STOX2: variants seen among roughly 807,000 people sequenced by gnomAD.
STOX2 encodes storkhead-box protein 2.
Under a neutral mutation model 60.9 loss-of-function variants are expected in STOX2, and 28 were observed. That is an observed-to-expected ratio of 0.46 (90% CI 0.34 to 0.63). STOX2 has a LOEUF of 0.63. STOX2 is among the 30% of genes least tolerant of loss of function. The probability of loss-of-function intolerance (pLI) is 0.01; values close to 1 mark genes in which losing one functional copy is unlikely to be tolerated. For synonymous variants in STOX2, 472 were observed against 463.9 expected, an observed-to-expected ratio of 1.02 and a Z score of -0.22; for missense variants, 1,024 against 1,187.7, an observed-to-expected ratio of 0.86 and a Z score of 2.03.
At chr4:183,859,395 T>G (rs1740378123) in intron 1 of STOX2, among the ~76,000 whole-genome samples, 1 of 152,126 alleles carries the variant, frequency 6.6e-6, no homozygotes, top group African/African-American at 2.4e-5. Flanking sequence ...TCGGGTGACA[T>G]TGGAGCTGGT....
intron 1 of STOX2, among the ~76,000 whole-genome samples, chr4:183,899,031 C>T (rs895380272): frequency 1.3e-5 from 2 of 152,196 alleles, no homozygotes; most frequent in African/African-American, 2.4e-5. Context: ...TGGCAGTTCT[C>T]TCAATATTTC....
chr4:183,808,248 T>C (rs1738953389), intron 1 of STOX2, among the ~76,000 whole-genome samples: 1 of 152,218 alleles, frequency 6.6e-6, no homozygotes, highest in Non-Finnish European at 1.5e-5. Context: ...TCTCCTGTAG[T>C]CTTGTTACAG....
At chr4:183,968,587 A>G (rs1483308123) in intron 1 of STOX2, among the ~76,000 whole-genome samples, 1 of 152,242 alleles carries the variant, frequency 6.6e-6, no homozygotes, top group Non-Finnish European at 1.5e-5. Flanking sequence ...TGACCAGCCC[A>G]GGACAGCTTG....
chr4:183,831,946 T>G (rs2111121257), intron 1 of STOX2, among the ~76,000 whole-genome samples: 1 of 152,072 alleles, frequency 6.6e-6, no homozygotes, highest in South Asian at 2.1e-4. Flanking sequence ...CCCTGAAGCT[T>G]CTTCTGGTGA....
At chr4:183,803,251 C>T (rs13132459) in intron 1 of STOX2, among the ~76,000 whole-genome samples, 139,180 of 152,158 alleles carry the variant, frequency 0.91, 64,968 homozygotes, top group East Asian at 1. Flanking sequence ...AGCTATAAGA[C>T]GAGATTTGGG....
chr4:183,857,957 G>A lies in STOX2; in HGVS notation c.364+59902G>A, dbSNP rs149258155. 8.9e-4 allele frequency among the ~76,000 whole-genome samples: 135 copies of A among 152,248 alleles called. 1 individual carries two copies. The highest frequency in any genetic ancestry group is 8.3e-3 in the East Asian group (43 of 5,186). ...CATTCACTTCTCAAACATTTATCGA[G>A]TGCCTTTTATACCCCAGGAACTGAT... On this transcript the variant is annotated intron_variant, in intron 1 of 2. Transcript: ENST00000513034.
chr4:183,813,014 C>T (rs28578063), intron 1 of STOX2, among the ~76,000 whole-genome samples: 41,797 of 152,054 alleles, frequency 0.27, 6,741 homozygotes, highest in African/African-American at 0.45. Context: ...TAAAGTCAGC[C>T]CTCCGTGTCT....
rs61681165 is a variant in STOX2 at position 183,995,291 on chromosome 4, C to CTTTT, written c.167-6005_167-6002dup. 6.8e-3 allele frequency among the ~76,000 whole-genome samples: 542 copies of CTTTT among 79,414 alleles called. 18 individuals are homozygous for CTTTT. The highest frequency in any genetic ancestry group is 8.4e-3 in the Non-Finnish European group (381 of 45,296). 52.1% of individuals were successfully genotyped at this position (79,414 alleles called of 152,430 possible). A position where few individuals can be genotyped will look rare whatever the true frequency, so the allele number is the denominator to read the frequency against. ...ATAAAGGACAGGGCTTTATTTTAGT[C>CTTTT]TTTTTTTTTTTTTTTTTTTTTTTTT... On this transcript the variant is annotated intron_variant, in intron 1 of 3. Transcript: ENST00000308497.
chr4:184,003,773 A>C (rs1463759285), intron 2 of STOX2, among the ~76,000 whole-genome samples: 1 of 152,262 alleles, frequency 6.6e-6, no homozygotes, highest in Non-Finnish European at 1.5e-5. Flanking sequence ...CTTTACAGAG[A>C]AAGTCTGCTG....
At position 183,841,873 on chromosome 4, in the gene STOX2, C is replaced by T. The variant is rs538469151; in HGVS notation, c.364+43818C>T. Among the ~76,000 whole-genome samples the T allele has an allele frequency of 2.4e-4, 37 of 152,010 alleles. No individual in the cohort carries two copies. The South Asian group carries it at 7.3e-3, about 30-fold the overall frequency. On this transcript the variant is annotated intron_variant, in intron 1 of 2. Coordinates refer to the STOX2 transcript ENST00000513034. Reference sequence around the variant, plus strand: ...GCTTATGGTGGGAATTTAATTTTCCCATAGAGTCATACAATTTGAAAGAGT... The same window carrying T: ...GCTTATGGTGGGAATTTAATTTTCCTATAGAGTCATACAATTTGAAAGAGT...
chr4:183,923,255 G>T (rs1440607208), intron 1 of STOX2, among the ~76,000 whole-genome samples: 2 of 152,160 alleles, frequency 1.3e-5, no homozygotes, highest in African/African-American at 2.4e-5. Context: ...GGTGTACAAG[G>T]GTTCTAATTT....
rs6810958 is a variant in STOX2 at position 183,984,595 on chromosome 4, A to T, written c.167-16730A>T. Among the ~76,000 whole-genome samples, 1,135 of 152,274 alleles carry T rather than the reference A, an allele frequency of 7.5e-3. 15 individuals are homozygous for T. Among genetic ancestry groups the T allele is most frequent in the African/African-American group, 0.025 (1,052 of 41,548 alleles). On this transcript the variant is annotated intron_variant, in intron 1 of 3. Coordinates refer to ENST00000308497, the MANE Select transcript of STOX2 (RefSeq NM_020225.3). The stretch of plus-strand genomic sequence containing the variant: ...AAATATTTTTAATTGATTTAATGGT[A>T]TTTATTGCTGTCTGCTTTTTCAAGT...
chr4:183,857,047 C>G (rs973924182), intron 1 of STOX2, among the ~76,000 whole-genome samples: 2 of 152,150 alleles, frequency 1.3e-5, no homozygotes, highest in Non-Finnish European at 2.9e-5. Context: ...ACAAGCCTTC[C>G]TCTCCCTTCT....
chr4:183,954,927 C>T (rs575400071), intron 1 of STOX2, among the ~76,000 whole-genome samples: 6 of 151,794 alleles, frequency 4.0e-5, no homozygotes, highest in Non-Finnish European at 5.9e-5. Context: ...TTAGTAGAGA[C>T]GGAGTTTCAC....
chr4:183,842,159 A>T (rs1319810755), intron 1 of STOX2, among the ~76,000 whole-genome samples: 2 of 152,222 alleles, frequency 1.3e-5, no homozygotes, highest in East Asian at 3.8e-4. Flanking sequence ...TGAAGAGACC[A>T]GTCTTCTTAC....
At chr4:183,901,632 G>T (rs1198417406), upstream of STOX2, among the ~76,000 whole-genome samples, 3 of 150,398 alleles carry the variant, frequency 2.0e-5, no homozygotes, top group African/African-American at 7.4e-5. Context: ...CCGTCCTAAT[G>T]GGTGTGAGTT....
At chr4:183,902,538 G>T (rs575475474), upstream of STOX2, among the ~76,000 whole-genome samples, 1 of 152,254 alleles carries the variant, frequency 6.6e-6, no homozygotes, top group South Asian at 2.1e-4. Context: ...CATGACCCAG[G>T]TACATGATTG....
intron 1 of STOX2, among the ~76,000 whole-genome samples, chr4:183,835,147 T>C (rs1739673534): frequency 6.6e-6 from 1 of 151,910 alleles, no homozygotes; most frequent in Admixed American, 6.6e-5. Context: ...GAACTTCAGC[T>C]TTTTCATCTG....
upstream of STOX2, among the ~76,000 whole-genome samples, chr4:183,902,322 A>G (rs536609484): frequency 1.3e-5 from 2 of 152,360 alleles, no homozygotes; most frequent in South Asian, 4.1e-4. Flanking sequence ...AAAATCAATT[A>G]TACATTTGAA....
Sources: allele counts gnomAD v4.1 joint callset (sites outside exome capture counted in the v4.1 genomes callset), GRCh38; gene constraint gnomAD v4.1.1; transcripts MANE v1.5; gene names NCBI Gene and HGNC (gene_info 2026-07-23, HGNC 2026-07-21).